The following NT5C2 variants were observed in gnomAD, a reference collection of about 807,000 sequenced individuals.
NT5C2 encodes cytosolic purine 5'-nucleotidase.
NT5C2 carries 58 observed loss-of-function variants against 76.1 expected under a neutral mutation model. The observed-to-expected ratio is 0.76, with a 90% CI of 0.62 to 0.95. The LOEUF (loss-of-function observed/expected upper bound fraction) is 0.95. Among genes scored for constraint, NT5C2 ranks in the 40% least tolerant of loss-of-function variants. The pLI is 0.00. For missense variants in NT5C2, 478 were observed against 690.3 expected (o/e 0.69, Z 3.45); for synonymous variants, 229 against 237.4 (o/e 0.96, Z 0.32).
intron 4 of NT5C2, among the ~76,000 whole-genome samples, chr10:103,117,138 T>C (rs894754487): frequency 1.7e-4 from 26 of 152,172 alleles, no homozygotes; most frequent in Middle Eastern, 3.4e-3. Flanking sequence ...AGAAACAAAC[T>C]ACAAATGACG....
At chr10:103,107,446 G>A (rs1033728185) in intron 4 of NT5C2, among the ~76,000 whole-genome samples, 3 of 152,054 alleles carry the variant, frequency 2.0e-5, no homozygotes, top group African/African-American at 4.8e-5. Flanking sequence ...AAGCCGAGGC[G>A]GGCAGATCAC....
chr10:103,114,553 T>C (rs1024881755), intron 4 of NT5C2, among the ~76,000 whole-genome samples: 4 of 152,244 alleles, frequency 2.6e-5, no homozygotes, highest in Admixed American at 6.5e-5. Flanking sequence ...CTTTAGGTCA[T>C]ATACTTCCAC....
intron 10 of NT5C2, chr10:103,098,042 C>G (rs776165181): frequency 1.9e-6 from 1 of 528,274 alleles, no homozygotes; most frequent in South Asian, 1.4e-5. Flanking sequence ...AACAAGAAAT[C>G]TTTACCACAG....
chr10:103,166,348 G>A (rs1233625885), intron 3 of NT5C2, among the ~76,000 whole-genome samples: 1 of 152,112 alleles, frequency 6.6e-6, no homozygotes, highest in Non-Finnish European at 1.5e-5. Context: ...CAATAATTTT[G>A]TAATTTCAAG....
At chr10:103,144,619 A>G (rs1218224088) in intron 3 of NT5C2, among the ~76,000 whole-genome samples, 1 of 152,226 alleles carries the variant, frequency 6.6e-6, no homozygotes, top group Non-Finnish European at 1.5e-5. Flanking sequence ...CAGGAATATG[A>G]AAATCTGGTT....
intron 2 of NT5C2, among the ~76,000 whole-genome samples, chr10:103,179,060 T>G (rs2135142085): frequency 6.6e-6 from 1 of 150,760 alleles, no homozygotes; most frequent in South Asian, 2.1e-4. Context: ...GCGATTCTCC[T>G]GCCTCAGCCT....
chr10:103,100,170 A>T (rs530448309), intron 8 of NT5C2, 151 bp from the exon 9 acceptor site: 8 of 567,390 alleles, frequency 1.4e-5, no homozygotes, highest in Non-Finnish European at 2.5e-5. Flanking sequence ...ATGAAAGTCC[A>T]CTTTGACCAC....
chr10:103,115,462 T>C (rs1226518263), intron 4 of NT5C2, among the ~76,000 whole-genome samples: 5 of 152,110 alleles, frequency 3.3e-5, no homozygotes, highest in African/African-American at 1.2e-4. Context: ...TCTTAATAAC[T>C]TCACTGATGC....
chr10:103,165,710 T>C (rs929828127), intron 3 of NT5C2, among the ~76,000 whole-genome samples: 2 of 150,810 alleles, frequency 1.3e-5, no homozygotes, highest in Non-Finnish European at 3.0e-5. Context: ...TCACTCTTAT[T>C]GCCCAGGCTG....
chr10:103,190,817 A>G (rs1053483387), intron 1 of NT5C2, among the ~76,000 whole-genome samples: 1 of 152,178 alleles, frequency 6.6e-6, no homozygotes, highest in Non-Finnish European at 1.5e-5. Context: ...TTCAACAAAA[A>G]TTTACTAAGA....
chr10:103,096,656 C>T (rs1453003073), intron 11 of NT5C2, among the ~76,000 whole-genome samples: 1 of 151,656 alleles, frequency 6.6e-6, no homozygotes, highest in Non-Finnish European at 1.5e-5. Context: ...CCAGCCTGTC[C>T]AAGATGTTAA....
chr10:103,141,476 A>G (rs2080419701), intron 3 of NT5C2, among the ~76,000 whole-genome samples: 2 of 152,280 alleles, frequency 1.3e-5, no homozygotes, highest in South Asian at 4.1e-4. Context: ...TAACAAATAA[A>G]TTAAAAATTG....
Position 103,099,933 on chromosome 10 carries a change from T to TTACAA in NT5C2, c.625_626insTTGTA (p.His209LeufsTer20). 6.2e-7 allele frequency: 1 copy of TTACAA among 1,607,566 alleles called. No individual in the cohort carries two copies. The highest frequency in any genetic ancestry group is 8.5e-7 in the Non-Finnish European group (1 of 1,174,292). ...GAAACAGCTTCTAGGTACCTTGTAA[T>TTACAA]GAACCCAGTCAACAGCATCTCTTAC... On this transcript the variant is annotated frameshift_variant, in exon 9 of 19. Coordinates refer to ENST00000404739, the MANE Select transcript of NT5C2 (RefSeq NM_001351169.2). LOFTEE classifies it high-confidence loss of function.
At chr10:103,190,007 T>C (rs1260998853) in intron 1 of NT5C2, among the ~76,000 whole-genome samples, 2 of 145,524 alleles carry the variant, frequency 1.4e-5, no homozygotes, top group African/African-American at 5.1e-5. Flanking sequence ...CTTTTTTTTT[T>C]TTTTTTTTTT....
chr10:103,091,770 G>T (rs1243768379), intron 15 of NT5C2, among the ~76,000 whole-genome samples, 155 bp from the exon 16 acceptor site: 1 of 152,132 alleles, frequency 6.6e-6, no homozygotes, highest in African/African-American at 2.4e-5. Context: ...CCCTCTTCAG[G>T]ATAACTCACT....
At chr10:103,135,264 T>G (rs957558789) in intron 4 of NT5C2, among the ~76,000 whole-genome samples, 1 of 152,170 alleles carries the variant, frequency 6.6e-6, no homozygotes, top group South Asian at 2.1e-4. Flanking sequence ...CCACATGGTG[T>G]AGGAGGGATC....
Position 103,109,117 on chromosome 10 carries a change from T to C in NT5C2, c.176-2411A>G, listed in dbSNP as rs976239312. Reference sequence around the variant, plus strand: ...CGCCTGCCTCGGGCTCCCAAAGTGCTGCTATTACAGGCTGAGCCACCATGC... The same window carrying C: ...CGCCTGCCTCGGGCTCCCAAAGTGCCGCTATTACAGGCTGAGCCACCATGC... On this transcript the variant is annotated intron_variant, in intron 4 of 18. Transcript: ENST00000404739. Among the ~76,000 whole-genome samples, 3 of 152,138 alleles carry C rather than the reference T, an allele frequency of 2.0e-5. 1 individual carries two copies. The South Asian group carries it at 6.2e-4, about 31-fold the overall frequency.
chr10:103,192,271 C>T (rs939957264), intron 1 of NT5C2, among the ~76,000 whole-genome samples: 19 of 152,260 alleles, frequency 1.2e-4, no homozygotes, highest in African/African-American at 4.3e-4. Flanking sequence ...GGCCCCTGGA[C>T]GGGCGCGCAC....
intron 3 of NT5C2, among the ~76,000 whole-genome samples, chr10:103,161,230 T>G (rs917857495): frequency 2.6e-5 from 4 of 152,076 alleles, no homozygotes; most frequent in African/African-American, 9.7e-5. Flanking sequence ...CAGGCTGGAG[T>G]GCACTGGCAC....
Sources: gnomAD v4.1 joint callset for allele counts (sites outside exome capture counted in the v4.1 genomes callset) on GRCh38, gnomAD v4.1.1 for gene constraint, MANE v1.5 for transcripts, NCBI Gene and HGNC (gene_info 2026-07-23, HGNC 2026-07-21) for gene names.